The following RAPGEF2 variants were observed in gnomAD, a reference collection of about 807,000 sequenced individuals.
The protein encoded by RAPGEF2 is PDZ domain containing guanine nucleotide exchange factor (GEF) 1.
RAPGEF2 carries 54 observed loss-of-function variants against 186.7 expected under a neutral mutation model. That is an observed-to-expected ratio of 0.29 (90% CI 0.23 to 0.36). RAPGEF2 has a LOEUF of 0.36. Ranked by LOEUF, RAPGEF2 falls within the 10% of genes least tolerant of loss-of-function variation. The pLI is 1.00. For synonymous variants in RAPGEF2, 712 were observed against 705.9 expected (o/e 1.01, Z -0.14); for missense variants, 1,532 against 2,045.0 (o/e 0.75, Z 4.84).
chr4:159,292,171 A>G (rs1043152979), intron 7 of RAPGEF2, among the ~76,000 whole-genome samples: 1 of 152,218 alleles, frequency 6.6e-6, no homozygotes, highest in African/African-American at 2.4e-5. Flanking sequence ...CATTCAGGGT[A>G]AAATCCAAAC....
intron 1 of RAPGEF2, among the ~76,000 whole-genome samples, chr4:159,166,542 G>GAGAA (rs1745341030): frequency 6.6e-6 from 1 of 152,176 alleles, no homozygotes; most frequent in South Asian, 2.1e-4. Context: ...AGTTAACCTA[G>GAGAA]AGAAGTTAAC....
chr4:159,304,321 T>C (rs772281876), intron 7 of RAPGEF2, 21 bp from the exon 8 acceptor site: 9 of 1,574,208 alleles, frequency 5.7e-6, no homozygotes, highest in Admixed American at 1.8e-5. Context: ...GTAATCCTAG[T>C]TTTTCCTGCT....
At chr4:159,113,674 G>A (rs1161871893) in intron 1 of RAPGEF2, among the ~76,000 whole-genome samples, 1 of 150,578 alleles carries the variant, frequency 6.6e-6, no homozygotes, top group African/African-American at 2.4e-5. Flanking sequence ...CCCAGGAGGT[G>A]GAGGTTGCAG....
chr4:159,203,076 A>C (rs1023697345), intron 3 of RAPGEF2, among the ~76,000 whole-genome samples: 3 of 152,172 alleles, frequency 2.0e-5, no homozygotes, highest in Non-Finnish European at 2.9e-5. Flanking sequence ...TCCCTTGTCA[A>C]CTTCAACTTG....
chr4:159,117,554 TC>T (rs1188731187), intron 1 of RAPGEF2, among the ~76,000 whole-genome samples: 1 of 152,104 alleles, frequency 6.6e-6, no homozygotes, highest in Non-Finnish European at 1.5e-5. Context: ...AAGTCCTTGT[TC>T]CTACTTTATA....
At chr4:159,145,479 T>C (rs1742853289) in intron 1 of RAPGEF2, among the ~76,000 whole-genome samples, 1 of 152,000 alleles carries the variant, frequency 6.6e-6, no homozygotes, top group Admixed American at 6.6e-5. Flanking sequence ...CCAAAAACAT[T>C]GCCAAAACAT....
At position 159,331,319 on chromosome 4, in the gene RAPGEF2, T is replaced by C. The variant is rs10010980; in HGVS notation, c.1468-112T>C. On this transcript the variant is annotated intron_variant, in intron 13 of 29. Coordinates refer to ENST00000691494, the MANE Select transcript of RAPGEF2 (RefSeq NM_001394067.2). ...TTTTATTATTGTTAATTTATTTTCC[T>C]GTTTATTATTATTAGGTAAATTATT... is the stretch of plus-strand genomic sequence containing the variant. 6.1e-3 allele frequency: 3,704 copies of C among 608,782 alleles called. 105 individuals are homozygous for C. Among genetic ancestry groups the C allele is most frequent in the African/African-American group, 0.058 (3,134 of 53,678 alleles). 37.7% of individuals were successfully genotyped at this position (608,782 alleles called of 1,614,324 possible). A position where few individuals can be genotyped will look rare whatever the true frequency, so the allele number is the denominator to read the frequency against.
At chr4:159,190,651 A>G (rs770432914) in intron 2 of RAPGEF2, among the ~76,000 whole-genome samples, 5 of 152,238 alleles carry the variant, frequency 3.3e-5, no homozygotes, top group African/African-American at 4.8e-5. Context: ...ACTTACAATC[A>G]TGGCAGAAGG....
chr4:159,315,130 A>G (rs1764408342), intron 9 of RAPGEF2, among the ~76,000 whole-genome samples: 1 of 151,764 alleles, frequency 6.6e-6, no homozygotes, highest in Admixed American at 6.6e-5. Flanking sequence ...TGTTTTCTGT[A>G]TGTAAACATA....
intron 7 of RAPGEF2, among the ~76,000 whole-genome samples, chr4:159,293,663 A>G (rs2110974042): frequency 6.6e-6 from 1 of 152,354 alleles, no homozygotes; most frequent in East Asian, 1.9e-4. Flanking sequence ...GTACCAAACA[A>G]AACAAAATAT....
intron 1 of RAPGEF2, among the ~76,000 whole-genome samples, chr4:159,158,906 T>G (rs1744408289): frequency 6.6e-6 from 1 of 152,182 alleles, no homozygotes; most frequent in Non-Finnish European, 1.5e-5. Flanking sequence ...TAATCCCCCT[T>G]TTCTTTAAAA....
intron 7 of RAPGEF2, among the ~76,000 whole-genome samples, chr4:159,268,469 T>C (rs1579686585): frequency 6.6e-6 from 1 of 152,180 alleles, no homozygotes; most frequent in East Asian, 1.9e-4. Context: ...AGCTAATTTT[T>C]ATATTTAGAA....
intron 1 of RAPGEF2, 59 bp downstream of exon 1, chr4:159,104,290 C>A: frequency 1.3e-6 from 1 of 781,876 alleles, no homozygotes; most frequent in South Asian, 1.7e-5. Flanking sequence ...GCTGCGTCTT[C>A]CCCTGTCCCC....
At chr4:159,347,894 G>A (rs1730573201) in intron 25 of RAPGEF2, among the ~76,000 whole-genome samples, 1 of 152,056 alleles carries the variant, frequency 6.6e-6, no homozygotes, top group African/African-American at 2.4e-5. Flanking sequence ...ATATGTGAAT[G>A]AAACAGTTAA....
At chr4:159,218,920 C>T (rs1047290311) in intron 4 of RAPGEF2, among the ~76,000 whole-genome samples, 4 of 152,112 alleles carry the variant, frequency 2.6e-5, no homozygotes, top group African/African-American at 9.7e-5. Context: ...GTTATTTTTG[C>T]AGAAGCAGGT....
intron 29 of RAPGEF2, among the ~76,000 whole-genome samples, chr4:159,357,801 C>T (rs752344766): frequency 9.2e-5 from 14 of 151,940 alleles, no homozygotes; most frequent in Admixed American, 3.3e-4. Context: ...TGTATCTGAT[C>T]GTATATTTTT....
Position 159,342,997 on chromosome 4 carries a change from A to G in RAPGEF2, c.2937A>G (p.Pro979=), listed in dbSNP as rs767351765. ...FAIISGLNLA[P]VARLRTTWEK... Reference sequence around the variant, plus strand: ...CTCTCAGTGGCCTAAACCTGGCACCAGTGGCAAGACTGCGAACGACCTGGG... The same window carrying G: ...CTCTCAGTGGCCTAAACCTGGCACCGGTGGCAAGACTGCGAACGACCTGGG... The change falls in exon 21 of 30, where the codon CCA becomes CCG. Residue 979 remains proline (P), a synonymous_variant. Coordinates refer to ENST00000691494, the MANE Select transcript of RAPGEF2 (RefSeq NM_001394067.2). 6.2e-7 allele frequency: 1 copy of G among 1,614,054 alleles called. No homozygotes were observed. Among genetic ancestry groups the G allele is most frequent in the Non-Finnish European group, 8.5e-7 (1 of 1,179,938 alleles).
At chr4:159,254,077 A>G (rs1320850013) in intron 7 of RAPGEF2, among the ~76,000 whole-genome samples, 1 of 152,260 alleles carries the variant, frequency 6.6e-6, no homozygotes, top group Non-Finnish European at 1.5e-5. Context: ...TCGCTTCATC[A>G]TACAGAATAT....
intron 7 of RAPGEF2, among the ~76,000 whole-genome samples, chr4:159,259,263 A>G (rs1325289382): frequency 6.6e-6 from 1 of 152,238 alleles, no homozygotes; most frequent in Non-Finnish European, 1.5e-5. Context: ...AAGGAGATAT[A>G]TATCAAATAA....
Sources: gnomAD v4.1 joint callset for allele counts (sites outside exome capture counted in the v4.1 genomes callset) on GRCh38, gnomAD v4.1.1 for gene constraint, MANE v1.5 for transcripts, NCBI Gene and HGNC (gene_info 2026-07-23, HGNC 2026-07-21) for gene names.